Variants in NHSL3 observed in about 807,000 individuals in gnomAD.
The protein encoded by NHSL3 is NHS-like protein 3.
chr1:32,743,389 T>C, the NHSL3 span, among the ~76,000 whole-genome samples: 4 of 152,112 alleles, frequency 2.6e-5, no homozygotes, highest in Admixed American at 6.5e-5. Flanking sequence ...AGGGCCCTGC[T>C]TCCCTGCGGC....
At chr1:32,749,106 T>A in the NHSL3 span, among the ~76,000 whole-genome samples, 14 of 152,062 alleles carry the variant, frequency 9.2e-5, no homozygotes, top group African/African-American at 3.4e-4. Flanking sequence ...TTAACAAGTG[T>A]GACAAGGGGA....
chr1:32,770,218 C>G, the NHSL3 span: 2 of 1,604,936 alleles, frequency 1.2e-6, no homozygotes, highest in Admixed American at 1.7e-5. This position sits in a 1 kb window ranked among gnomAD's most constrained non-coding sequence, Gnocchi z 8.3. Context: ...CATCTCCCCC[C>G]AGGCCACCTA....
chr1:32,764,506 C>T, the NHSL3 span, among the ~76,000 whole-genome samples: 1 of 148,796 alleles, frequency 6.7e-6, no homozygotes, highest in African/African-American at 2.5e-5. Flanking sequence ...CTTGCTCTGT[C>T]ATCCAGGCTG....
the NHSL3 span, among the ~76,000 whole-genome samples, chr1:32,756,477 C>CA: frequency 2.7e-5 from 3 of 110,878 alleles, 1 homozygote; most frequent in African/African-American, 9.8e-5. Flanking sequence ...GAGACCCCCC[C>CA]CCCCCGCCCA....
At chr1:32,749,321 C>G in the NHSL3 span, among the ~76,000 whole-genome samples, 18 of 152,136 alleles carry the variant, frequency 1.2e-4, no homozygotes, top group Non-Finnish European at 2.4e-4. Context: ...TTTGAATACC[C>G]GAAGGGCAGA....
chr1:32,749,021 A>C, the NHSL3 span, among the ~76,000 whole-genome samples: 1 of 152,204 alleles, frequency 6.6e-6, no homozygotes, highest in Non-Finnish European at 1.5e-5. Flanking sequence ...TAAGAGAGAC[A>C]AAGTCCTGGG....
chr1:32,754,517 C>T, the NHSL3 span, among the ~76,000 whole-genome samples: 1 of 152,116 alleles, frequency 6.6e-6, no homozygotes, highest in Non-Finnish European at 1.5e-5. Context: ...ACATGTATAC[C>T]TATGCATGCG....
At chr1:32,759,868 T>C in the NHSL3 span, among the ~76,000 whole-genome samples, 14 of 152,302 alleles carry the variant, frequency 9.2e-5, no homozygotes, top group East Asian at 3.9e-4. Flanking sequence ...CTGGTGCTCA[T>C]TTGTAAAAAG....
At chr1:32,760,354 A>T in the NHSL3 span, among the ~76,000 whole-genome samples, 1 of 152,070 alleles carries the variant, frequency 6.6e-6, no homozygotes, top group Non-Finnish European at 1.5e-5. Flanking sequence ...CACCCCATGG[A>T]GGATGTTGCC....
the NHSL3 span, among the ~76,000 whole-genome samples, chr1:32,765,469 C>T: frequency 6.6e-6 from 1 of 152,228 alleles, no homozygotes; most frequent in East Asian, 1.9e-4. Flanking sequence ...TGAGTATCTT[C>T]GGTCCTCCTA....
chr1:32,758,579 A>G, the NHSL3 span, among the ~76,000 whole-genome samples: 14 of 152,048 alleles, frequency 9.2e-5, no homozygotes, highest in East Asian at 2.3e-3. Context: ...GGGCTTCCAG[A>G]TAAGAGGCTG....
chr1:32,742,238 G>C, the NHSL3 span: 1 of 1,237,270 alleles, frequency 8.1e-7, no homozygotes, highest in African/African-American at 1.6e-5. Flanking sequence ...TCGAGGGTGC[G>C]GCCGAGGGGG....
chr1:32,768,145 ACTCTT>A, the NHSL3 span: 2 of 1,432,944 alleles, frequency 1.4e-6, no homozygotes, highest in Non-Finnish European at 2.0e-6. Flanking sequence ...CTCAGTCCTG[ACTCTT>A]CTCTACCTGC....
chr1:32,746,186 G>A, the NHSL3 span, among the ~76,000 whole-genome samples: 2 of 144,774 alleles, frequency 1.4e-5, no homozygotes, highest in Non-Finnish European at 3.0e-5. Context: ...AGCCGAGATC[G>A]CGTCACTGCA....
the NHSL3 span, among the ~76,000 whole-genome samples, chr1:32,752,385 G>A: frequency 6.6e-6 from 1 of 152,186 alleles, no homozygotes; most frequent in Non-Finnish European, 1.5e-5. Context: ...GCCATGTGGG[G>A]TCTAGAACTG....
At chr1:32,764,382 A>G in the NHSL3 span, among the ~76,000 whole-genome samples, 2 of 152,266 alleles carry the variant, frequency 1.3e-5, no homozygotes, top group Non-Finnish European at 2.9e-5. Context: ...TGAACAAGAT[A>G]AAGTTCTTCT....
the NHSL3 span, chr1:32,772,385 A>G: frequency 6.4e-7 from 1 of 1,568,852 alleles, no homozygotes; most frequent in Non-Finnish European, 8.6e-7. Flanking sequence ...CTGGCGGAGA[A>G]TGGAGGTGTC....
the NHSL3 span, among the ~76,000 whole-genome samples, chr1:32,749,534 G>A: frequency 6.6e-6 from 1 of 152,146 alleles, no homozygotes; most frequent in African/African-American, 2.4e-5. Context: ...AGGAGGAAGT[G>A]ACTTGCTCAA....
chr1:32,771,725 C>A, the NHSL3 span: 9 of 1,613,582 alleles, frequency 5.6e-6, no homozygotes, highest in Non-Finnish European at 6.8e-6. Context: ...AGTTCCGCCC[C>A]AGGGCATGTG....
Sources: gnomAD v4.1 joint callset for allele counts (sites outside exome capture counted in the v4.1 genomes callset) on GRCh38, gnomAD v4.1.1 for gene constraint, Gnocchi (gnomAD v3.1) non-coding constraint, MANE v1.5 for transcripts, NCBI Gene and HGNC (gene_info 2026-07-23, HGNC 2026-07-21) for gene names.